The following RPH3AL variants were observed in gnomAD, a reference collection of about 807,000 sequenced individuals.
RPH3AL encodes rabphilin 3A like (without C2 domains).
RPH3AL carries 38 observed loss-of-function variants against 43.1 expected under a neutral mutation model. That is an observed-to-expected ratio of 0.88 (90% CI 0.68 to 1.15). The LOEUF (loss-of-function observed/expected upper bound fraction) is 1.15. Among genes scored for constraint, RPH3AL ranks in the 50% most tolerant of loss-of-function variants. The pLI is 0.00. For missense variants in RPH3AL, 462 were observed against 423.2 expected (o/e 1.09, Z -0.81); for synonymous variants, 189 against 176.3 (o/e 1.07, Z -0.57).
intron 7 of RPH3AL, among the ~76,000 whole-genome samples, chr17:227,546 G>A (rs2041135352): frequency 2.0e-5 from 3 of 152,168 alleles, no homozygotes; most frequent in African/African-American, 7.2e-5. Context: ...ATCTCTCCAG[G>A]CTTCACTACA....
intron 5 of RPH3AL, among the ~76,000 whole-genome samples, chr17:286,925 G>A (rs76773344): frequency 0.091 from 10,237 of 112,410 alleles, 678 homozygotes; most frequent in East Asian, 0.28. Flanking sequence ...TCTCTCCACC[G>A]TCAGACCTCG....
chr17:293,373 G>A (rs1289235653), intron 5 of RPH3AL, among the ~76,000 whole-genome samples: 4 of 152,154 alleles, frequency 2.6e-5, no homozygotes, highest in African/African-American at 4.8e-5. Flanking sequence ...TGACTTGGAC[G>A]GGGCTTCGGA....
At chr17:315,089 T>TGTAGTCCCTGTGCTCCACCTCCACTGACC (rs2043903723) in intron 5 of RPH3AL, among the ~76,000 whole-genome samples, 1 of 13,594 alleles carries the variant, frequency 7.4e-5, no homozygotes, top group African/African-American at 5.3e-4. Context: ...CTCCACTGAA[T>TGTAGTCCCTGTGCTCCACCTCCACTGACC]TGTAGTCCCT....
At chr17:280,595 GGAT>G (rs2042756570) in intron 6 of RPH3AL, among the ~76,000 whole-genome samples, 1 of 152,196 alleles carries the variant, frequency 6.6e-6, no homozygotes, top group Admixed American at 6.5e-5. Flanking sequence ...TTATCACACA[GGAT>G]GAGCGCACAA....
At chr17:288,645 ACCCTCTCTCTC>A (rs2042973768) in intron 5 of RPH3AL, among the ~76,000 whole-genome samples, 1 of 786 alleles carries the variant, frequency 1.3e-3, no homozygotes, top group African/African-American at 4.2e-3. Context: ...CAGACCTCGC[ACCCTCTCTCTC>A]CACCGTCAGA....
Position 322,012 on chromosome 17 carries a change from A to G in RPH3AL, c.78-597T>C, listed in dbSNP as rs1286039374. 6.6e-6 allele frequency among the ~76,000 whole-genome samples: 1 copy of G among 152,238 alleles called. No homozygotes were observed. The highest frequency in any genetic ancestry group is 1.5e-5 in the Non-Finnish European group (1 of 68,042). On this transcript the variant is annotated intron_variant, in intron 3 of 9. Coordinates refer to ENST00000331302, the MANE Select transcript of RPH3AL (RefSeq NM_006987.4). This position sits in a 1 kb window ranked among gnomAD's most constrained non-coding sequence, Gnocchi z 4.0. ...GAGTTCACCAGGGGACAGGAAAGCC[A>G]TGTAATTAGGGTGAAGACACAGCGT...
intron 7 of RPH3AL, among the ~76,000 whole-genome samples, chr17:240,499 T>A (rs1459549126): frequency 2.0e-5 from 3 of 152,140 alleles, no homozygotes; most frequent in African/African-American, 7.2e-5. Flanking sequence ...ACTGTCTGCC[T>A]CTGTGCACTG....
In RPH3AL at chr17:260,282, C is replaced by T. The variant is rs548120477; in HGVS notation, c.439-12997G>A. 1.8e-3 allele frequency among the ~76,000 whole-genome samples: 268 copies of T among 152,300 alleles called. 3 individuals are homozygous for T. The highest frequency in any genetic ancestry group is 3.1e-3 in the Non-Finnish European group (208 of 68,034). ...TCATGCAGAATCAGGGCCCCTCTGT[C>T]GTGCTCCCAGAGGCCATGTGGTCCC... On this transcript the variant is annotated intron_variant, in intron 6 of 9. Coordinates refer to ENST00000331302, the MANE Select transcript of RPH3AL (RefSeq NM_006987.4).
chr17:311,906 C>G (rs1252712365), intron 5 of RPH3AL, among the ~76,000 whole-genome samples: 1 of 152,124 alleles, frequency 6.6e-6, no homozygotes, highest in East Asian at 1.9e-4. Flanking sequence ...GAAGCCCTGA[C>G]CCCCAGAGTG....
intron 5 of RPH3AL, among the ~76,000 whole-genome samples, chr17:298,987 G>A (rs1349065555): frequency 1.3e-5 from 2 of 151,758 alleles, no homozygotes; most frequent in Non-Finnish European, 2.9e-5. Context: ...GCCGGGGAAT[G>A]AACTGAGGGC....
chr17:249,499 C>A (rs782250287), intron 6 of RPH3AL, among the ~76,000 whole-genome samples: 46 of 152,052 alleles, frequency 3.0e-4, no homozygotes, highest in Non-Finnish European at 6.0e-4. Flanking sequence ...GCACCACCGC[C>A]ACCCCCCTCC....
intron 9 of RPH3AL, among the ~76,000 whole-genome samples, chr17:214,526 G>A (rs2040746411): frequency 6.6e-6 from 1 of 152,190 alleles, no homozygotes. Context: ...AACACTTTGG[G>A]AGGCCAAGGT....
chr17:221,655 A>G (rs954986777), intron 7 of RPH3AL, among the ~76,000 whole-genome samples: 5 of 145,076 alleles, frequency 3.4e-5, no homozygotes, highest in South Asian at 2.2e-4. Flanking sequence ...CACTGAGACA[A>G]TAGACCCAAG....
chr17:319,394 A>C (rs771037345), intron 5 of RPH3AL, 26 bp downstream of exon 5: 2 of 1,607,400 alleles, frequency 1.2e-6, no homozygotes, highest in Non-Finnish European at 1.7e-6. Flanking sequence ...GGAAGCCAGA[A>C]TGACAGGGCC....
chr17:305,399 G>A (rs2043460128), intron 5 of RPH3AL, among the ~76,000 whole-genome samples: 1 of 152,010 alleles, frequency 6.6e-6, no homozygotes, highest in Non-Finnish European at 1.5e-5. Flanking sequence ...GCAGCTGCGG[G>A]GGCTGGGGAG....
chr17:213,926 TTGGATGAGAGAAAAGGCC>T lies in RPH3AL; in HGVS notation c.877-21_877-4del. 2 of 1,611,656 alleles carry T rather than the reference TTGGATGAGAGAAAAGGCC, an allele frequency of 1.2e-6. No homozygotes were observed. The highest frequency in any genetic ancestry group is 1.7e-6 in the Non-Finnish European group (2 of 1,178,720). ...GCTCGTCCAGGTGTGTCTTTTACCT[TTGGATGAGAGAAAAGGCC>T]ACCACATGGTGAGCAGCGGTGGAGT... On this transcript the variant is annotated splice_polypyrimidine_tract_variant and splice_region_variant and intron_variant, in intron 9 of 9. Transcript: ENST00000331302.
chr17:307,447 C>T (rs193023807), intron 5 of RPH3AL, among the ~76,000 whole-genome samples: 1,525 of 152,350 alleles, frequency 0.01, 35 homozygotes, highest in African/African-American at 0.035. Context: ...CTCCCCACAG[C>T]AGGTCTGCCC....
intron 1 of RPH3AL, among the ~76,000 whole-genome samples, chr17:335,090 G>A (rs911256702): frequency 9.9e-5 from 15 of 152,222 alleles, no homozygotes; most frequent in African/African-American, 2.2e-4. Context: ...CACGGTGAGC[G>A]TGGGCAGCAT....
chr17:225,205 C>G lies in RPH3AL; in HGVS notation c.614-5469G>C, dbSNP rs2041081813. On this transcript the variant is annotated intron_variant, in intron 7 of 9. Coordinates refer to ENST00000331302, the MANE Select transcript of RPH3AL (RefSeq NM_006987.4). This position sits in a 1 kb window ranked among gnomAD's most constrained non-coding sequence, Gnocchi z 4.4. The stretch of plus-strand genomic sequence containing the variant: ...AGAGGCTCTGCCTTTTTCTGTCCTG[C>G]TCCCCAGGAAGAGTTCTACTCCGGC... 6.6e-6 allele frequency among the ~76,000 whole-genome samples: 1 copy of G among 151,898 alleles called. No homozygotes were observed. Among genetic ancestry groups the G allele is most frequent in the South Asian group, 2.1e-4 (1 of 4,816 alleles).
Sources: allele counts gnomAD v4.1 joint callset (sites outside exome capture counted in the v4.1 genomes callset), GRCh38; gene constraint gnomAD v4.1.1; non-coding constraint Gnocchi (gnomAD v3.1); transcripts MANE v1.5; gene names NCBI Gene and HGNC (gene_info 2026-07-23, HGNC 2026-07-21).